GUCY2F: variants seen among roughly 807,000 people sequenced by gnomAD.
The protein encoded by GUCY2F is retinal guanylyl cyclase 2.
Under a neutral mutation model 73.1 loss-of-function variants are expected in GUCY2F, and 61 were observed. The ratio of observed to expected loss-of-function variants is 0.83; its 90% CI spans 0.68 to 1.03. GUCY2F has a LOEUF of 1.03. Among genes scored for constraint, GUCY2F ranks in the 50% least tolerant of loss-of-function variants. GUCY2F has a pLI of 0.00. For synonymous variants in GUCY2F, 331 were observed against 307.8 expected (o/e 1.08, Z -0.79); for missense variants, 912 against 854.3 (o/e 1.07, Z -0.84).
At chrX:109,461,286 A>G (rs1021370452) in intron 3 of GUCY2F, among the ~76,000 whole-genome samples, 5 of 112,358 alleles carry the variant, frequency 4.5e-5, no homozygotes, top group African/African-American at 6.5e-5. Flanking sequence ...CTTCTGATGA[A>G]GGGAAGAAAG....
At chrX:109,420,951 A>G (rs183385233) in intron 8 of GUCY2F, among the ~76,000 whole-genome samples, 5 of 111,907 alleles carry the variant, frequency 4.5e-5, no homozygotes, top group Admixed American at 3.8e-4. Flanking sequence ...TATCTACTCA[A>G]GAGAAGTGAA....
At chrX:109,460,064 A>G (rs1239858830) in intron 3 of GUCY2F, among the ~76,000 whole-genome samples, 2 of 111,870 alleles carry the variant, frequency 1.8e-5, no homozygotes, top group Non-Finnish European at 3.8e-5. Flanking sequence ...CACAAAGATG[A>G]GAAACTCTCC....
chrX:109,389,813 G>A (rs759399321), intron 14 of GUCY2F, among the ~76,000 whole-genome samples: 1 of 111,163 alleles, frequency 9.0e-6, no homozygotes, highest in East Asian at 2.8e-4. Context: ...AACCAGCCCT[G>A]GAACTGTGGG....
At chrX:109,478,355 T>C (rs1381070566) in intron 1 of GUCY2F, among the ~76,000 whole-genome samples, 1 of 111,990 alleles carries the variant, frequency 8.9e-6, no homozygotes, top group East Asian at 2.8e-4. Context: ...TCATCTGGAG[T>C]AATATGGGAA....
intron 3 of GUCY2F, among the ~76,000 whole-genome samples, chrX:109,460,594 C>T (rs977077582): frequency 5.4e-5 from 6 of 111,424 alleles, no homozygotes; most frequent in Non-Finnish European, 1.1e-4. Flanking sequence ...AATTTACCTC[C>T]TGTAAAAAGC....
In GUCY2F at chrX:109,448,112, G is replaced by T; in HGVS notation, c.1526C>A (p.Thr509Asn). ...LIKGPNRILL[T>N]LEDVTFINPH... is the part of the protein sequence containing the mutation. ...ATTGATAAACGTTACATCCTCCAAA[G>T]TCAGTAGAATTCTATTGGGTCCTTT... The change falls in exon 6 of 20, where the codon ACT (threonine) becomes AAT (asparagine). Residue 509 changes from threonine (T) to asparagine (N), a missense_variant. Thr to Asn is a moderately conservative substitution (Grantham distance 65). Coordinates refer to ENST00000218006, the MANE Select transcript of GUCY2F (RefSeq NM_001522.3). 1.8e-6 allele frequency: 2 copies of T among 1,132,718 alleles called. No individual in the cohort carries two copies. The highest frequency in any genetic ancestry group is 2.4e-6 in the Non-Finnish European group (2 of 824,325). 93.3% of individuals were successfully genotyped at this position (1,132,718 alleles called of 1,213,427 possible). A position where few individuals can be genotyped will look rare whatever the true frequency, so the allele number is the denominator to read the frequency against.
At chrX:109,477,814 C>T in intron 1 of GUCY2F, among the ~76,000 whole-genome samples, 1 of 112,044 alleles carries the variant, frequency 8.9e-6, no homozygotes, top group Non-Finnish European at 1.9e-5. Context: ...GACTCTCACT[C>T]CTAATTTTAT....
chrX:109,475,634 A>C lies in GUCY2F; in HGVS notation c.303T>G (p.Asn101Lys). The change falls in exon 2 of 20, where the codon AAT (asparagine) becomes AAG (lysine). Residue 101 changes from asparagine (N) to lysine (K), a missense_variant. By Grantham distance (94) the Asn-to-Lys change is moderately conservative. Transcript: ENST00000218006. ...LSYSFEYVIL[N>K]EDCQTSRALS... The stretch of plus-strand genomic sequence containing the variant: ...GAGCCCTCGAAGTCTGGCAGTCTTC[A>C]TTGAGAATCACGTATTCAAAAGAAT... 1.7e-6 allele frequency: 2 copies of C among 1,209,379 alleles called. No individual in the cohort carries two copies. The highest frequency in any genetic ancestry group is 1.8e-5 in the South Asian group (1 of 56,938).
chrX:109,463,097 C>T (rs994495829), intron 3 of GUCY2F, among the ~76,000 whole-genome samples: 1 of 111,318 alleles, frequency 9.0e-6, no homozygotes, highest in Non-Finnish European at 1.9e-5. Context: ...GATATAAATC[C>T]TCCGAGCAGA....
At position 109,476,147 on chromosome X, in the gene GUCY2F, C is replaced by T. The variant is rs746479796; in HGVS notation, c.-85-126G>A. 2.6e-5 allele frequency: 9 copies of T among 342,326 alleles called. No individual in the cohort carries two copies. In the Admixed American group the frequency reaches 4.3e-4, roughly 16 times the overall value. 28.2% of individuals were successfully genotyped at this position (342,326 alleles called of 1,213,427 possible). A position where few individuals can be genotyped will look rare whatever the true frequency, so the allele number is the denominator to read the frequency against. On this transcript the variant is annotated intron_variant, in intron 1 of 19. Transcript: ENST00000218006. ...GCCCAAACTAAAAGTTTCTTTCCCC[C>T]ATCCTGACAAAACTCCTCCTCTTCC...
At chrX:109,421,433 C>T (rs1025638023) in intron 8 of GUCY2F, among the ~76,000 whole-genome samples, 2 of 111,302 alleles carry the variant, frequency 1.8e-5, no homozygotes, top group Admixed American at 9.5e-5. Flanking sequence ...CTGTCACATG[C>T]TACAACATGA....
chrX:109,475,846 T>C lies in GUCY2F; in HGVS notation c.91A>G (p.Lys31Glu). Reference sequence around the variant, plus strand: ...AGAAGGCACAAGCACCACAGGAACTTGGCAGATGCAAGGCCATGGTGTCCC... The same window carrying C: ...AGAAGGCACAAGCACCACAGGAACTCGGCAGATGCAAGGCCATGGTGTCCC... Reference protein sequence around the residue: ...LLGHHGLASAKFLWCLCLLSV... With the variant: ...LLGHHGLASAEFLWCLCLLSV... The change falls in exon 2 of 20, where the codon AAG becomes GAG. Residue 31 changes from lysine to glutamate, a missense_variant. Physicochemically the swap from Lys to Glu is moderately conservative, Grantham distance 56. Transcript: ENST00000218006. 8.3e-7 allele frequency: 1 copy of C among 1,210,882 alleles called. No individual in the cohort carries two copies. Among genetic ancestry groups the C allele is most frequent in the Non-Finnish European group, 1.1e-6 (1 of 895,190 alleles).
intron 6 of GUCY2F, among the ~76,000 whole-genome samples, chrX:109,447,704 A>G (rs1185843866): frequency 1.8e-5 from 2 of 108,672 alleles, no homozygotes; most frequent in East Asian, 2.9e-4. Flanking sequence ...CAGCACACCA[A>G]CATGGCACAT....
At chrX:109,454,679 C>T (rs1932220042) in intron 3 of GUCY2F, among the ~76,000 whole-genome samples, 1 of 111,885 alleles carries the variant, frequency 8.9e-6, no homozygotes, top group African/African-American at 3.3e-5. Context: ...GCCCATTAAC[C>T]TTGTAAGTTT....
intron 8 of GUCY2F, among the ~76,000 whole-genome samples, chrX:109,420,325 G>T (rs1931341700): frequency 1.0e-5 from 1 of 98,190 alleles, no homozygotes; most frequent in Admixed American, 1.1e-4. Context: ...AGAAAGAAAA[G>T]AAGAGAGAAA....
At chrX:109,411,287 C>T (rs1931105086) in intron 8 of GUCY2F, among the ~76,000 whole-genome samples, 1 of 108,411 alleles carries the variant, frequency 9.2e-6, no homozygotes, top group African/African-American at 3.4e-5. Context: ...GTCCTAGAGC[C>T]CAAATTAATG....
At chrX:109,478,233 A>G (rs925102968) in intron 1 of GUCY2F, among the ~76,000 whole-genome samples, 2 of 112,281 alleles carry the variant, frequency 1.8e-5, no homozygotes, top group African/African-American at 6.5e-5. Flanking sequence ...AGAGCTCCCA[A>G]CCCAGAGCTG....
At position 109,453,601 on chromosome X, in the gene GUCY2F, G is replaced by A; in HGVS notation, c.1291C>T (p.Leu431=). The A allele has an allele frequency of 8.3e-7, 1 of 1,208,060 alleles. No homozygotes were observed. Among genetic ancestry groups the A allele is most frequent in the South Asian group, 1.8e-5 (1 of 56,891 alleles). The change falls in exon 4 of 20, where the codon CTA becomes TTA. Residue 431 remains leucine, a synonymous_variant. Transcript: ENST00000218006. ...TGAATAGGGGTCCCTCCGAAACGTA[G>A]CAGCTCCATTTCCATGTCCACAGTG... ...TYTVDMEMEL[L]RFGGTPIHFP...
At chrX:109,463,430 A>G (rs936341054) in intron 3 of GUCY2F, among the ~76,000 whole-genome samples, 7 of 83,116 alleles carry the variant, frequency 8.4e-5, no homozygotes, top group African/African-American at 3.5e-4. Flanking sequence ...AGATTTCCTC[A>G]CTCTTTTTTT....
Sources: allele counts gnomAD v4.1 joint callset (sites outside exome capture counted in the v4.1 genomes callset), GRCh38; gene constraint gnomAD v4.1.1; transcripts MANE v1.5; gene names NCBI Gene and HGNC (gene_info 2026-07-23, HGNC 2026-07-21).